C11orf65: variants seen among roughly 807,000 people sequenced by gnomAD.
The protein encoded by C11orf65 is protein MFI.
Under a neutral mutation model 35.3 loss-of-function variants are expected in C11orf65, and 38 were observed. The observed-to-expected ratio is 1.08, with a 90% CI of 0.83 to 1.41. C11orf65 has a LOEUF of 1.41. Among genes scored for constraint, C11orf65 ranks in the 40% most tolerant of loss-of-function variants. C11orf65 has a pLI of 0.00. For synonymous variants in C11orf65, 105 were observed against 114.4 expected (o/e 0.92, Z 0.53); for missense variants, 370 against 367.1 (o/e 1.01, Z -0.06).
At chr11:108,415,864 T>C (rs146918825) in intron 3 of C11orf65, among the ~76,000 whole-genome samples, 1 of 152,060 alleles carries the variant, frequency 6.6e-6, no homozygotes, top group Non-Finnish European at 1.5e-5. Flanking sequence ...GACAAAAGAA[T>C]AGTCTTCAAC....
intron 7 of C11orf65, among the ~76,000 whole-genome samples, chr11:108,389,362 A>C (rs1365229640): frequency 6.6e-6 from 1 of 152,214 alleles, no homozygotes; most frequent in Non-Finnish European, 1.5e-5. Context: ...TTACTGAGAT[A>C]ATCAGTGCTT....
chr11:108,359,314 C>G (rs1407280396), intron 2 of C11orf65, among the ~76,000 whole-genome samples: 1 of 151,854 alleles, frequency 6.6e-6, no homozygotes, highest in South Asian at 2.1e-4. Context: ...GAGTGACCTA[C>G]AAAGAGACTT....
intron 2 of C11orf65, among the ~76,000 whole-genome samples, chr11:108,372,056 G>A (rs1402119332): frequency 6.6e-6 from 1 of 152,176 alleles, no homozygotes; most frequent in Non-Finnish European, 1.5e-5. Context: ...TCTGTGTATT[G>A]TTGTTAACCT....
Position 108,408,696 on chromosome 11 carries a change from A to C in C11orf65, c.175-1547T>G, listed in dbSNP as rs540017022. Among the ~76,000 whole-genome samples, 820 of 106,680 alleles carry C rather than the reference A, an allele frequency of 7.7e-3. 16 individuals carry two copies. The highest frequency in any genetic ancestry group is 0.032 in the African/African-American group (728 of 22,430). 70.0% of individuals were successfully genotyped at this position (106,680 alleles called of 152,430 possible). On this transcript the variant is annotated intron_variant, in intron 3 of 8. Transcript: ENST00000393084. ...CAATAAATAAAATAAAATAAAATAAAATAAAATAAAATAAAATAAAATAAA... is the reference window on the plus strand; with the variant it reads ...CAATAAATAAAATAAAATAAAATAACATAAAATAAAATAAAATAAAATAAA...
chr11:108,392,193 T>C (rs748665960), intron 7 of C11orf65, among the ~76,000 whole-genome samples: 1 of 152,118 alleles, frequency 6.6e-6, no homozygotes. Context: ...ACTACAGTTA[T>C]GCACCAGCAG....
chr11:108,406,592 G>A (rs569915225), intron 5 of C11orf65, among the ~76,000 whole-genome samples, 171 bp downstream of exon 5: 1 of 152,200 alleles, frequency 6.6e-6, no homozygotes, highest in East Asian at 1.9e-4. Context: ...AAGATAAATT[G>A]CTGTGCCTTG....
intron 6 of C11orf65, among the ~76,000 whole-genome samples, chr11:108,313,616 C>A (rs2084359377): frequency 6.6e-6 from 1 of 152,140 alleles, no homozygotes; most frequent in Admixed American, 6.6e-5. Flanking sequence ...TTCACTTTTG[C>A]CTTCTTCATA....
intron 6 of C11orf65, chr11:108,316,225 C>T (rs963328542): frequency 2.4e-5 from 25 of 1,047,926 alleles, no homozygotes; most frequent in Non-Finnish European, 3.6e-5. Flanking sequence ...AAGACTAGAA[C>T]TTATCTGTTT....
At chr11:108,462,183 A>C (rs1183037000) in intron 1 of C11orf65, among the ~76,000 whole-genome samples, 1 of 152,094 alleles carries the variant, frequency 6.6e-6, no homozygotes, top group East Asian at 1.9e-4. Flanking sequence ...AGCTGGGACT[A>C]CAGGCACATG....
intron 2 of C11orf65, among the ~76,000 whole-genome samples, chr11:108,374,585 C>T (rs1248373156): frequency 6.6e-6 from 1 of 152,182 alleles, no homozygotes; most frequent in Admixed American, 6.5e-5. Context: ...AGCGCCTCTC[C>T]TCCTCCAAAG....
At chr11:108,458,397 C>T (rs1259916533) in intron 2 of C11orf65, among the ~76,000 whole-genome samples, 2 of 147,514 alleles carry the variant, frequency 1.4e-5, no homozygotes, top group African/African-American at 5.0e-5. Context: ...TGGAGAAGAT[C>T]ACCAGACAGG....
downstream of C11orf65, among the ~76,000 whole-genome samples, chr11:108,379,471 T>C (rs1487282501): frequency 1.9e-5 from 2 of 106,976 alleles, no homozygotes; most frequent in African/African-American, 7.2e-5. Flanking sequence ...CTCTGGGGAC[T>C]GTTGTGGGGT....
downstream of C11orf65, among the ~76,000 whole-genome samples, chr11:108,330,932 T>C (rs1383797960): frequency 1.3e-5 from 2 of 152,236 alleles, no homozygotes; most frequent in Non-Finnish European, 2.9e-5. Context: ...TGATGACACC[T>C]AATATTAAAT....
chr11:108,331,771 C>T (rs2086269167), intron 3 of C11orf65: 1 of 1,362,058 alleles, frequency 7.3e-7, no homozygotes, highest in Non-Finnish European at 1.0e-6. Context: ...ACGCTCTACC[C>T]ACTGCAGTAT....
intron 3 of C11orf65, among the ~76,000 whole-genome samples, chr11:108,409,024 A>G (rs770876982): frequency 6.6e-6 from 1 of 152,144 alleles, no homozygotes; most frequent in Non-Finnish European, 1.5e-5. Context: ...AATAATATAT[A>G]CACATTTTTT....
chr11:108,423,137 T>C (rs997689286), intron 3 of C11orf65, among the ~76,000 whole-genome samples: 5 of 152,088 alleles, frequency 3.3e-5, no homozygotes, highest in African/African-American at 4.8e-5. Context: ...GGCCCTGGGT[T>C]TCAAGCACAA....
chr11:108,338,513 G>T (rs2087109548), intron 2 of C11orf65, among the ~76,000 whole-genome samples: 1 of 152,088 alleles, frequency 6.6e-6, no homozygotes, highest in African/African-American at 2.4e-5. Context: ...AATTTAGCCA[G>T]GCATGATGGC....
At chr11:108,449,494 C>A (rs891082696) in intron 2 of C11orf65, among the ~76,000 whole-genome samples, 6 of 151,928 alleles carry the variant, frequency 3.9e-5, no homozygotes, top group Non-Finnish European at 8.8e-5. Context: ...TATCTACAAC[C>A]ATCTGCTCTT....
chr11:108,378,092 A>G (rs1487563673), downstream of C11orf65, among the ~76,000 whole-genome samples: 1 of 152,090 alleles, frequency 6.6e-6, no homozygotes, highest in Non-Finnish European at 1.5e-5. Flanking sequence ...ATCCTCATCA[A>G]GCTACCAATG....
Sources: gnomAD v4.1 joint callset for allele counts (sites outside exome capture counted in the v4.1 genomes callset) on GRCh38, gnomAD v4.1.1 for gene constraint, MANE v1.5 for transcripts, NCBI Gene and HGNC (gene_info 2026-07-23, HGNC 2026-07-21) for gene names.